The following SHE variants were observed in gnomAD, a reference collection of about 807,000 sequenced individuals.
SHE encodes the protein SH2 domain-containing adapter protein E.
A neutral mutation model predicts 49.8 loss-of-function variants in SHE; 11 were observed. The observed-to-expected ratio is 0.22, with a 90% CI of 0.14 to 0.37. The LOEUF (loss-of-function observed/expected upper bound fraction) is 0.37. Ranked by LOEUF, SHE falls within the 10% of genes least tolerant of loss-of-function variation. SHE has a pLI of 1.00. For synonymous variants in SHE, 310 were observed against 278.1 expected, an observed-to-expected ratio of 1.11 and a Z score of -1.14; for missense variants, 624 against 655.5, an observed-to-expected ratio of 0.95 and a Z score of 0.52.
intron 2 of SHE, 62 bp downstream of exon 2, chr1:154,499,050 A>G (rs1692624379): frequency 1.9e-6 from 3 of 1,586,654 alleles, no homozygotes; most frequent in Admixed American, 1.7e-5. Flanking sequence ...ACCGGTTACT[A>G]TATTACAACA....
downstream of SHE, among the ~76,000 whole-genome samples, chr1:154,479,311 GA>G (rs1691959803): frequency 1.3e-5 from 2 of 152,140 alleles, no homozygotes; most frequent in African/African-American, 2.4e-5. Context: ...CTCTAAATGT[GA>G]ACAGAGTAAA....
chr1:154,497,016 T>A (rs1331680517), intron 2 of SHE, among the ~76,000 whole-genome samples: 1 of 152,216 alleles, frequency 6.6e-6, no homozygotes, highest in African/African-American at 2.4e-5. Context: ...AAGGCTCTGA[T>A]GTTTTTTAAA....
intron 5 of SHE, chr1:154,484,917 A>ATTATGC (rs1692124746): frequency 6.6e-6 from 1 of 151,512 alleles, no homozygotes; most frequent in South Asian, 2.1e-4. Flanking sequence ...GTGAGCCGAG[A>ATTATGC]TTATGCCACT....
chr1:154,494,365 G>A (rs1692459652), intron 2 of SHE, among the ~76,000 whole-genome samples: 1 of 144,848 alleles, frequency 6.9e-6, no homozygotes, highest in Non-Finnish European at 1.5e-5. Flanking sequence ...GGCAAAGACA[G>A]ACATAACAGT....
At position 154,489,207 on chromosome 1, in the gene SHE, A is replaced by G. The variant is rs764282435; in HGVS notation, c.868T>C (p.Tyr290His). ...KDLLGKPPQL[Y>H]DTPYEPAEGG... ...TCTGCAGGCTCGTAGGGAGTGTCGT[A>G]TAGCTGTGGCGGCTTCCCCAGGAGG... The change falls in exon 3 of 6, where the codon TAC (tyrosine) becomes CAC (histidine). Residue 290 changes from tyrosine (Y) to histidine (H), a missense_variant. Coordinates refer to ENST00000304760, the MANE Select transcript of SHE (RefSeq NM_001010846.3). 1.9e-6 allele frequency: 3 copies of G among 1,614,130 alleles called. No individual in the cohort carries two copies. The highest frequency in any genetic ancestry group is 2.5e-6 in the Non-Finnish European group (3 of 1,180,026).
At position 154,502,299 on chromosome 1, in the gene SHE, C is replaced by T. The variant is rs1692820994; in HGVS notation, c.-273G>A. 3 of 193,128 alleles carry T rather than the reference C, an allele frequency of 1.6e-5. No individual in the cohort carries two copies. The highest frequency in any genetic ancestry group is 3.8e-4 in the South Asian group (2 of 5,226). 12.0% of individuals were successfully genotyped at this position (193,128 alleles called of 1,614,324 possible). A position where few individuals can be genotyped will look rare whatever the true frequency, so the allele number is the denominator to read the frequency against. On this transcript the variant is annotated 5_prime_UTR_variant, in exon 1 of 6. Coordinates refer to ENST00000304760, the MANE Select transcript of SHE (RefSeq NM_001010846.3). ...CGGGGGCTTCCCCCTGCTCTTTCCTCCTGCGGTGGGAGAGGCCAGGCCCAC... is the reference window on the plus strand; with the variant it reads ...CGGGGGCTTCCCCCTGCTCTTTCCTTCTGCGGTGGGAGAGGCCAGGCCCAC...
At chr1:154,484,480 C>T in intron 5 of SHE, 145 bp from the exon 6 acceptor site, 1 of 653,936 alleles carries the variant, frequency 1.5e-6, no homozygotes, top group Admixed American at 2.9e-5. Context: ...GCATTCCACA[C>T]TCTAGTGGTA....
Position 154,499,256 on chromosome 1 carries a change from A to C in SHE, c.592-18T>G, listed in dbSNP as rs779576703. ...ATGATGACCTGAAAAAGAACAAGAG[A>C]GGACAGTTGCTAAGGGCCACCGTAT... On this transcript the variant is annotated intron_variant, in intron 1 of 5. Coordinates refer to ENST00000304760, the MANE Select transcript of SHE (RefSeq NM_001010846.3). The C allele has an allele frequency of 1.2e-6, 2 of 1,609,282 alleles. No homozygotes were observed. Among genetic ancestry groups the C allele is most frequent in the East Asian group, 4.5e-5 (2 of 44,816 alleles).
In SHE at chr1:154,501,574, G is replaced by C. The variant is rs773065894; in HGVS notation, c.453C>G (p.Asp151Glu). 1 of 1,614,140 alleles carries C rather than the reference G, an allele frequency of 6.2e-7. No homozygotes were observed. Among genetic ancestry groups the C allele is most frequent in the Non-Finnish European group, 8.5e-7 (1 of 1,179,990 alleles). The change falls in exon 1 of 6, where the codon GAC becomes GAG. Residue 151 changes from aspartate to glutamate, a missense_variant. Physicochemically the swap from Asp to Glu is conservative, Grantham distance 45 (BLOSUM62 2). This residue lies in a region of SHE where 337 missense variants were observed against 306.0 expected (regional missense o/e 1.10). Coordinates refer to ENST00000304760, the MANE Select transcript of SHE (RefSeq NM_001010846.3). Reference sequence around the variant, plus strand: ...TGCTCTTCCCGTTCTTCTCCTGAGTGTCCACCTTGATGAGCCTGTTGATGT... The same window carrying C: ...TGCTCTTCCCGTTCTTCTCCTGAGTCTCCACCTTGATGAGCCTGTTGATGT... ...STYINRLIKVDTQEKNGKSNY... is the reference protein window; with the variant it reads ...STYINRLIKVETQEKNGKSNY...
chr1:154,471,125 C>T (rs1479976729), intron 1 of SHE, among the ~76,000 whole-genome samples: 3 of 152,166 alleles, frequency 2.0e-5, no homozygotes, highest in Non-Finnish European at 2.9e-5. Context: ...GGTGAGCCCG[C>T]GGGCCACAGG....
rs753453158 is a variant in SHE, at chr1:154,489,099, C to T, written c.976G>A (p.Glu326Lys). 9 of 1,611,228 alleles carry T rather than the reference C, an allele frequency of 5.6e-6. No homozygotes were observed. Among genetic ancestry groups the T allele is most frequent in the Admixed American group, 1.7e-5 (1 of 59,778 alleles). The change falls in exon 3 of 6, where the codon GAG becomes AAG. Residue 326 changes from glutamate (E) to lysine (K), a missense_variant. Around this residue, in one of 4 missense-constraint regions of SHE, gnomAD observed 155 missense variants for 142.0 expected, o/e 1.09. Coordinates refer to ENST00000304760, the MANE Select transcript of SHE (RefSeq NM_001010846.3). ...TCCTTCTTCCACTCCCATGGCTGCT[C>T]GTACTCTGCCGCGGGCCTCTCGTCG... ...ENDERPAAEY[E>K]QPWEWKKEQI...
Position 154,482,047 on chromosome 1 carries a change from CTT to C in SHE, c.*2100_*2101del, listed in dbSNP as rs1285011414. 5.1e-4 allele frequency: 75 copies of C among 147,724 alleles called. No individual in the cohort carries two copies. The highest frequency in any genetic ancestry group is 7.8e-4 in the Non-Finnish European group (55 of 70,188). 9.2% of individuals were successfully genotyped at this position (147,724 alleles called of 1,614,324 possible). A position where few individuals can be genotyped will look rare whatever the true frequency, so the allele number is the denominator to read the frequency against. On this transcript the variant is annotated 3_prime_UTR_variant, in exon 6 of 6. Transcript: ENST00000304760. ...TTTTTTTTTGAGATGGAGTTTCGCTCTTGTCACCCAGGATGGAGTGCAGTGAC... is the reference window on the plus strand; with the variant it reads ...TTTTTTTTTGAGATGGAGTTTCGCTCGTCACCCAGGATGGAGTGCAGTGAC...
At position 154,502,244 on chromosome 1, in the gene SHE, G is replaced by C; in HGVS notation, c.-218C>G. The C allele has an allele frequency of 3.9e-6, 1 of 253,962 alleles. No individual in the cohort carries two copies. The highest frequency in any genetic ancestry group is 7.2e-6 in the Non-Finnish European group (1 of 139,504). The allele number at this position is 253,962 out of a possible 1,614,324, so 15.7% of individuals were successfully genotyped here. Reference sequence around the variant, plus strand: ...GTCTTCAACGCCTGCCCGGCCCGAGGACACCGTGGCTCTCGGAGGCGGCGG... The same window carrying C: ...GTCTTCAACGCCTGCCCGGCCCGAGCACACCGTGGCTCTCGGAGGCGGCGG... On this transcript the variant is annotated 5_prime_UTR_variant, in exon 1 of 6. Transcript: ENST00000304760.
chr1:154,483,982 A>G lies in SHE; in HGVS notation c.*167T>C. 2.1e-6 allele frequency: 3 copies of G among 1,416,918 alleles called. No homozygotes were observed. The highest frequency in any genetic ancestry group is 2.8e-6 in the Non-Finnish European group (3 of 1,086,288). The allele number at this position is 1,416,918 out of a possible 1,614,324, so 87.8% of individuals were successfully genotyped here. A position where few individuals can be genotyped will look rare whatever the true frequency, so the allele number is the denominator to read the frequency against. Reference sequence around the variant, plus strand: ...CATTGCACTCCAGCCTGGGCAACACAGCGAGACTTCGTCTCAAACAAAACA... The same window carrying G: ...CATTGCACTCCAGCCTGGGCAACACGGCGAGACTTCGTCTCAAACAAAACA... On this transcript the variant is annotated 3_prime_UTR_variant, in exon 6 of 6. Coordinates refer to ENST00000304760, the MANE Select transcript of SHE (RefSeq NM_001010846.3).
intron 5 of SHE, 89 bp downstream of exon 5, chr1:154,485,854 C>T: frequency 6.7e-7 from 1 of 1,498,224 alleles, no homozygotes; most frequent in Non-Finnish European, 9.2e-7. Flanking sequence ...CCCTGTGAAA[C>T]ACCTTCACAG....
chr1:154,483,168 G>A lies in SHE; in HGVS notation c.*981C>T. ...AATGATATTGGTGATTCTTAAACCT[G>A]GGGTATCTTCCTTCCTATTTATGCT... On this transcript the variant is annotated 3_prime_UTR_variant, in exon 6 of 6. Transcript: ENST00000304760. 1.0e-6 allele frequency: 1 copy of A among 985,238 alleles called. No individual in the cohort carries two copies. The highest frequency in any genetic ancestry group is 1.2e-6 in the Non-Finnish European group (1 of 829,870). The allele number at this position is 985,238 out of a possible 1,614,324, so 61.0% of individuals were successfully genotyped here.
Position 154,484,182 on chromosome 1 carries a change from A to G in SHE, c.1455T>C (p.Thr485=). 1 of 1,614,150 alleles carries G rather than the reference A, an allele frequency of 6.2e-7. No homozygotes were observed. The highest frequency in any genetic ancestry group is 8.5e-7 in the Non-Finnish European group (1 of 1,180,008). The change falls in exon 6 of 6, where the codon ACT becomes ACC. Residue 485 remains threonine (T), a synonymous_variant. Transcript: ENST00000304760. ...KLPFKGAEHM[T]LLYPVHSKLH ...GCTTGCTGTGCACTGGGTAGAGTAAAGTCATGTGTTCTGCCCCTTTGAAAG... is the reference window on the plus strand; with the variant it reads ...GCTTGCTGTGCACTGGGTAGAGTAAGGTCATGTGTTCTGCCCCTTTGAAAG...
chr1:154,496,253 C>T (rs1186840477), intron 2 of SHE, among the ~76,000 whole-genome samples: 1 of 152,008 alleles, frequency 6.6e-6, no homozygotes, highest in Non-Finnish European at 1.5e-5. Flanking sequence ...AAGTTAAGAC[C>T]AAAGTATACT....
At position 154,486,600 on chromosome 1, in the gene SHE, T is replaced by A; in HGVS notation, c.1108A>T (p.Ile370Phe). The A allele has an allele frequency of 6.2e-7, 1 of 1,614,166 alleles. No homozygotes were observed. Among genetic ancestry groups the A allele is most frequent in the Non-Finnish European group, 8.5e-7 (1 of 1,180,040 alleles). Residue 370 changes from isoleucine to phenylalanine, a missense_variant, in exon 4 of 6, where the codon ATC becomes TTC. Ile to Phe is a conservative substitution (Grantham distance 21). Around this residue, in one of 4 missense-constraint regions of SHE, gnomAD observed 125 missense variants for 181.7 expected, o/e 0.69. Transcript: ENST00000304760. ...HHRQKSWTQKILKPALSDHSE... is the reference protein window; with the variant it reads ...HHRQKSWTQKFLKPALSDHSE... ...TGGTCCGAGAGGGCTGGCTTCAGGA[T>A]CTTCTGGGTCCAGCTCTTCTGCCGG... is the stretch of plus-strand genomic sequence containing the variant.
Sources: allele counts gnomAD v4.1 joint callset (sites outside exome capture counted in the v4.1 genomes callset), GRCh38; gene constraint gnomAD v4.1.1; regional missense constraint gnomAD v4.1.1; transcripts MANE v1.5; gene names NCBI Gene and HGNC (gene_info 2026-07-23, HGNC 2026-07-21).